TEX29: variants seen among roughly 807,000 people sequenced by gnomAD.
The protein encoded by TEX29 is testis expressed 29, also known as testis-expressed protein 29.
A neutral mutation model predicts 18.2 loss-of-function variants in TEX29; 26 were observed. The observed-to-expected ratio is 1.43, with a 90% CI of 1.04 to 1.98. The LOEUF (loss-of-function observed/expected upper bound fraction) is 1.98, where lower values mean the gene tolerates loss of function less well. TEX29 is among the 30% of genes most tolerant of loss of function. The probability of loss-of-function intolerance (pLI) is 0.00; values close to 1 mark genes in which losing one functional copy is unlikely to be tolerated. For missense variants in TEX29, 177 were observed against 194.2 expected, an observed-to-expected ratio of 0.91 and a Z score of 0.53; for synonymous variants, 83 against 78.5, an observed-to-expected ratio of 1.06 and a Z score of -0.31.
chr13:111,343,042 A>C (rs2093699201), intron 5 of TEX29, 111 bp downstream of exon 5: 1 of 1,295,636 alleles, frequency 7.7e-7, no homozygotes, highest in South Asian at 1.5e-5. Flanking sequence ...CTTCAACCTC[A>C]GTGATCAGTG....
At chr13:111,334,131 T>C (rs1370793186) in intron 3 of TEX29, among the ~76,000 whole-genome samples, 1 of 152,204 alleles carries the variant, frequency 6.6e-6, no homozygotes, top group Non-Finnish European at 1.5e-5. Flanking sequence ...CCATACTTTC[T>C]CATTTCTTTG....
At chr13:111,328,955 C>G (rs146613820) in intron 3 of TEX29, among the ~76,000 whole-genome samples, 5 of 152,276 alleles carry the variant, frequency 3.3e-5, no homozygotes, top group South Asian at 2.1e-4. Flanking sequence ...AAAATGTGTT[C>G]GAAGGGAGGT....
Position 111,344,141 on chromosome 13 carries a change from G to A in TEX29, c.*18G>A, listed in dbSNP as rs769134877. The A allele has an allele frequency of 1.2e-6, 2 of 1,609,604 alleles. No homozygotes were observed. Among genetic ancestry groups the A allele is most frequent in the South Asian group, 2.2e-5 (2 of 90,876 alleles). On this transcript the variant is annotated 3_prime_UTR_variant, in exon 6 of 6. Transcript: ENST00000283547. ...AGGACTGACTGAGACGCATGAAGAA[G>A]TGGAGATTGTCAGAATTATCCAAAT...
At chr13:111,341,903 CG>C (rs2093697133) in intron 4 of TEX29, among the ~76,000 whole-genome samples, 1 of 152,210 alleles carries the variant, frequency 6.6e-6, no homozygotes, top group Non-Finnish European at 1.5e-5. Flanking sequence ...GAGGGGGTCC[CG>C]AGGCTGATGG....
At chr13:111,339,812 C>G in intron 3 of TEX29, 51 bp from the exon 4 acceptor site, 1 of 1,594,706 alleles carries the variant, frequency 6.3e-7, no homozygotes, top group Non-Finnish European at 8.6e-7. Context: ...TCATCTTCTT[C>G]CTTTTCTATT....
chr13:111,341,978 C>G (rs2093697287), intron 4 of TEX29, among the ~76,000 whole-genome samples: 1 of 152,258 alleles, frequency 6.6e-6, no homozygotes, highest in African/African-American at 2.4e-5. Context: ...CCAAGGCTGC[C>G]TGCATCTCTT....
intron 2 of TEX29, among the ~76,000 whole-genome samples, chr13:111,326,582 G>A (rs529800151): frequency 2.7e-5 from 4 of 147,198 alleles, no homozygotes; most frequent in East Asian, 4.2e-4. Flanking sequence ...CGGGTGTCTG[G>A]TCGGGTGGAA....
intron 2 of TEX29, among the ~76,000 whole-genome samples, chr13:111,325,477 C>T (rs1048377922): frequency 4.6e-5 from 7 of 152,204 alleles, no homozygotes; most frequent in Admixed American, 3.9e-4. Context: ...CCTGCCGATC[C>T]CCCACCATGT....
rs142430976 is a variant in TEX29, at chr13:111,327,741, C to G, written c.59-442C>G. Among the ~76,000 whole-genome samples, 322 of 152,350 alleles carry G rather than the reference C, an allele frequency of 2.1e-3. 3 individuals carry two copies. Among genetic ancestry groups the G allele is most frequent in the Middle Eastern group, 0.014 (4 of 294 alleles). On this transcript the variant is annotated intron_variant, in intron 2 of 5. Coordinates refer to ENST00000283547, the MANE Select transcript of TEX29 (RefSeq NM_152324.3). ...CCTTTGGGTCAAAACTGGCATTAAACTTTCTGTCCTTTTGATTCAAGTTTT... is the reference window on the plus strand; with the variant it reads ...CCTTTGGGTCAAAACTGGCATTAAAGTTTCTGTCCTTTTGATTCAAGTTTT...
At chr13:111,328,544 T>G (rs2093677839) in intron 3 of TEX29, among the ~76,000 whole-genome samples, 1 of 151,990 alleles carries the variant, frequency 6.6e-6, no homozygotes, top group African/African-American at 2.4e-5. Context: ...GAGCAGGGCA[T>G]GGACGGGGAC....
intron 2 of TEX29, among the ~76,000 whole-genome samples, chr13:111,327,817 G>A (rs1276247096): frequency 6.6e-6 from 1 of 152,206 alleles, no homozygotes; most frequent in African/African-American, 2.4e-5. Flanking sequence ...ACTCCTGTAT[G>A]CTTAAGTGTG....
chr13:111,337,879 C>T (rs960536334), intron 3 of TEX29, among the ~76,000 whole-genome samples: 1 of 152,190 alleles, frequency 6.6e-6, no homozygotes, highest in Non-Finnish European at 1.5e-5. Context: ...GAACTCTTAT[C>T]GAGCGCCCAT....
chr13:111,325,313 G>A (rs1001613600), intron 2 of TEX29, among the ~76,000 whole-genome samples: 3 of 152,258 alleles, frequency 2.0e-5, no homozygotes, highest in South Asian at 2.1e-4. Context: ...GCCAGGCAGT[G>A]AGCCCTGCGC....
chr13:111,318,853 T>C (rs1441833655), upstream of TEX29, among the ~76,000 whole-genome samples: 1 of 152,208 alleles, frequency 6.6e-6, no homozygotes, highest in Non-Finnish European at 1.5e-5. Flanking sequence ...ATCTGGACTG[T>C]AACAAAAATG....
In TEX29 at chr13:111,323,354, G is replaced by C. The variant is rs74705581; in HGVS notation, c.58+2406G>C. Among the ~76,000 whole-genome samples the C allele has an allele frequency of 5.2e-4, 79 of 152,304 alleles. 1 individual carries two copies. In the East Asian group the frequency reaches 9.3e-3, roughly 18 times the overall value. ...GACAGGTGGCCCCTGGGGAAGAGGC[G>C]TGTGTGGGGCCACTCAGCCCTGGCT... On this transcript the variant is annotated intron_variant, in intron 2 of 5. Transcript: ENST00000283547.
intron 3 of TEX29, among the ~76,000 whole-genome samples, chr13:111,334,323 C>T (rs2093686681): frequency 6.6e-6 from 1 of 152,174 alleles, no homozygotes; most frequent in Non-Finnish European, 1.5e-5. Context: ...TGTGTGACCA[C>T]TAAAAAGTCT....
chr13:111,344,021 A>G, intron 5 of TEX29, 62 bp from the exon 6 acceptor site: 3 of 1,411,670 alleles, frequency 2.1e-6, no homozygotes, highest in Non-Finnish European at 3.0e-6. Flanking sequence ...TCCTGATGAA[A>G]TCTTTTCGGG....
At chr13:111,335,141 AG>A (rs1051968265) in intron 3 of TEX29, among the ~76,000 whole-genome samples, 1 of 152,224 alleles carries the variant, frequency 6.6e-6, no homozygotes, top group African/African-American at 2.4e-5. Flanking sequence ...AGAAATTGGC[AG>A]GGGGGTTCTC....
At chr13:111,317,633 C>G (rs2093656757), upstream of TEX29, among the ~76,000 whole-genome samples, 1 of 152,236 alleles carries the variant, frequency 6.6e-6, no homozygotes, top group Admixed American at 6.5e-5. Flanking sequence ...TCAACACGGG[C>G]GTGTTTGCTT....
Sources: allele counts gnomAD v4.1 joint callset (sites outside exome capture counted in the v4.1 genomes callset), GRCh38; gene constraint gnomAD v4.1.1; transcripts MANE v1.5; gene names NCBI Gene and HGNC (gene_info 2026-07-23, HGNC 2026-07-21).